CSMD3: variants seen among roughly 807,000 people sequenced by gnomAD.
CSMD3 encodes the protein CUB and Sushi multiple domains 3.
CSMD3 carries 177 observed loss-of-function variants against 435.2 expected under a neutral mutation model. The observed-to-expected ratio is 0.41, with a 90% CI of 0.36 to 0.46. The LOEUF (loss-of-function observed/expected upper bound fraction) is 0.46, where lower values mean the gene tolerates loss of function less well. Ranked by LOEUF, CSMD3 falls within the 20% of genes least tolerant of loss-of-function variation. The pLI is 0.34. For synonymous variants in CSMD3, 1,656 were observed against 1,520.5 expected, an observed-to-expected ratio of 1.09 and a Z score of -2.07; for missense variants, 4,265 against 4,504.6, an observed-to-expected ratio of 0.95 and a Z score of 1.52.
At chr8:113,253,395 C>A (rs954058001) in intron 3 of CSMD3, among the ~76,000 whole-genome samples, 16 of 152,102 alleles carry the variant, frequency 1.1e-4, no homozygotes, top group Admixed American at 6.6e-5. Context: ...CACCCCACGA[C>A]AGGCCCCGGT....
chr8:112,338,581 C>T (rs1824796176), intron 42 of CSMD3, among the ~76,000 whole-genome samples: 2 of 151,992 alleles, frequency 1.3e-5, no homozygotes, highest in African/African-American at 2.4e-5. Context: ...TCTACCAAAC[C>T]GTTAAAATTT....
chr8:113,236,270 A>G (rs1014999116), intron 3 of CSMD3, among the ~76,000 whole-genome samples: 2 of 152,204 alleles, frequency 1.3e-5, no homozygotes, highest in Non-Finnish European at 2.9e-5. Flanking sequence ...TACCATAAAA[A>G]GAGATTCCCC....
chr8:112,445,118 C>T (rs1008747872), intron 32 of CSMD3, among the ~76,000 whole-genome samples: 8 of 152,012 alleles, frequency 5.3e-5, no homozygotes, highest in Non-Finnish European at 8.8e-5. Flanking sequence ...TGATGTGTGC[C>T]TGTAATCCCA....
chr8:112,687,124 T>A (rs1329887519), intron 14 of CSMD3, among the ~76,000 whole-genome samples: 2 of 152,178 alleles, frequency 1.3e-5, no homozygotes, highest in Non-Finnish European at 1.5e-5. Context: ...TCAAAACATT[T>A]TGCTAAATTT....
chr8:112,709,773 G>A (rs1241253522), intron 13 of CSMD3, among the ~76,000 whole-genome samples: 4 of 151,964 alleles, frequency 2.6e-5, no homozygotes, highest in African/African-American at 9.7e-5. Flanking sequence ...AAAGTGTAAG[G>A]GCAAGCACAA....
chr8:112,941,423 T>C (rs930271918), intron 9 of CSMD3, among the ~76,000 whole-genome samples: 8 of 151,806 alleles, frequency 5.3e-5, no homozygotes, highest in African/African-American at 2.4e-5. Flanking sequence ...ATGGAAACTG[T>C]GGACGAGAAG....
chr8:112,750,306 T>C (rs915803516), intron 13 of CSMD3, among the ~76,000 whole-genome samples: 3 of 151,490 alleles, frequency 2.0e-5, no homozygotes, highest in Non-Finnish European at 4.4e-5. Flanking sequence ...TAACTAATTT[T>C]ATAAGTATAA....
intron 14 of CSMD3, among the ~76,000 whole-genome samples, chr8:112,688,752 A>G (rs2076067425): frequency 6.6e-6 from 1 of 152,004 alleles, no homozygotes; most frequent in Non-Finnish European, 1.5e-5. Flanking sequence ...TAATCGCTAC[A>G]TTTTTATCAT....
intron 2 of CSMD3, among the ~76,000 whole-genome samples, chr8:113,290,044 A>T (rs149371489): frequency 7.2e-5 from 11 of 151,926 alleles, no homozygotes; most frequent in African/African-American, 2.6e-4. Context: ...TCCAGTAATT[A>T]GAGGGTTTGC....
intron 3 of CSMD3, among the ~76,000 whole-genome samples, chr8:113,184,647 C>G (rs190957774): frequency 2.6e-5 from 4 of 152,148 alleles, no homozygotes; most frequent in Admixed American, 2.6e-4. Context: ...CACTAGAACT[C>G]CAGTTCATCA....
chr8:112,801,303 C>A (rs1406445548), intron 12 of CSMD3, among the ~76,000 whole-genome samples: 1 of 151,960 alleles, frequency 6.6e-6, no homozygotes, highest in Non-Finnish European at 1.5e-5. Context: ...GTGTAGTTGA[C>A]CATATCCTGG....
intron 22 of CSMD3, among the ~76,000 whole-genome samples, chr8:112,621,498 C>T (rs1204359764): frequency 1.3e-5 from 2 of 152,052 alleles, no homozygotes; most frequent in African/African-American, 4.8e-5. Flanking sequence ...AATTCTCCTC[C>T]CATTTTCTCA....
chr8:112,927,073 A>C (rs1233201539), intron 9 of CSMD3, among the ~76,000 whole-genome samples: 1 of 152,144 alleles, frequency 6.6e-6, no homozygotes, highest in Non-Finnish European at 1.5e-5. Flanking sequence ...CTATTACCAA[A>C]ATGACCACAA....
chr8:112,936,443 C>T (rs1351301782), intron 9 of CSMD3, among the ~76,000 whole-genome samples: 1 of 152,090 alleles, frequency 6.6e-6, no homozygotes, highest in Non-Finnish European at 1.5e-5. Flanking sequence ...CTGAAGGTCA[C>T]TCCTATGGAA....
chr8:112,649,592 T>G (rs1267803730), intron 19 of CSMD3, among the ~76,000 whole-genome samples: 1 of 152,192 alleles, frequency 6.6e-6, no homozygotes, highest in Admixed American at 6.5e-5. Flanking sequence ...CCACTGGATT[T>G]CATATGTGTT....
intron 22 of CSMD3, among the ~76,000 whole-genome samples, chr8:112,608,071 C>A (rs971521488): frequency 6.6e-6 from 1 of 152,002 alleles, no homozygotes; most frequent in Non-Finnish European, 1.5e-5. Context: ...ACTCCACCAA[C>A]AAAACTGGTA....
At chr8:113,335,368 G>C (rs1039116620) in intron 1 of CSMD3, among the ~76,000 whole-genome samples, 6 of 151,562 alleles carry the variant, frequency 4.0e-5, no homozygotes, top group African/African-American at 1.5e-4. Flanking sequence ...TTTTTTCTTT[G>C]TCAGCTTTAC....
chr8:112,234,976 T>C (rs893758692), intron 67 of CSMD3, among the ~76,000 whole-genome samples: 3 of 152,140 alleles, frequency 2.0e-5, no homozygotes, highest in African/African-American at 7.2e-5. Flanking sequence ...ATAAGTAAGG[T>C]ACACAGCTAA....
At chr8:113,307,530 C>T (rs2093831076) in intron 2 of CSMD3, among the ~76,000 whole-genome samples, 1 of 151,972 alleles carries the variant, frequency 6.6e-6, no homozygotes, top group Non-Finnish European at 1.5e-5. Flanking sequence ...ATAATTTGGA[C>T]TTTGTTAAAA....
Sources: gnomAD v4.1 joint callset for allele counts (sites outside exome capture counted in the v4.1 genomes callset) on GRCh38, gnomAD v4.1.1 for gene constraint, MANE v1.5 for transcripts, NCBI Gene and HGNC (gene_info 2026-07-23, HGNC 2026-07-21) for gene names.